The following GMDS variants were observed in gnomAD, a reference collection of about 807,000 sequenced individuals.
The protein encoded by GMDS is GDP-mannose 4,6-dehydratase.
GMDS carries 20 observed loss-of-function variants against 49.9 expected under a neutral mutation model. That is an observed-to-expected ratio of 0.40 (90% CI 0.28 to 0.58). The LOEUF (loss-of-function observed/expected upper bound fraction) is 0.58, where lower values mean the gene tolerates loss of function less well. Ranked by LOEUF, GMDS falls within the 20% of genes least tolerant of loss-of-function variation. The pLI is 0.42. For synonymous variants in GMDS, 177 were observed against 178.6 expected (o/e 0.99, Z 0.07); for missense variants, 362 against 481.4 (o/e 0.75, Z 2.32).
At chr6:1,850,477 G>C (rs906314166) in intron 7 of GMDS, among the ~76,000 whole-genome samples, 8 of 152,156 alleles carry the variant, frequency 5.3e-5, no homozygotes, top group Non-Finnish European at 8.8e-5. Flanking sequence ...CAGTGTATTT[G>C]ATGAGCCTTA....
intron 4 of GMDS, among the ~76,000 whole-genome samples, chr6:1,988,264 T>C (rs922621938): frequency 3.3e-5 from 5 of 152,076 alleles, no homozygotes; most frequent in African/African-American, 1.2e-4. Context: ...TAATTCAGAG[T>C]ATATTTTCTC....
chr6:1,927,722 C>T (rs910104923), intron 7 of GMDS, among the ~76,000 whole-genome samples: 13 of 152,314 alleles, frequency 8.5e-5, no homozygotes, highest in Admixed American at 2.6e-4. Flanking sequence ...ATGACAGCAG[C>T]GTCCTTCTTT....
intron 1 of GMDS, among the ~76,000 whole-genome samples, chr6:2,125,262 A>T (rs1211795549): frequency 6.7e-6 from 1 of 149,512 alleles, no homozygotes; most frequent in African/African-American, 2.6e-5. Context: ...ACACAGTGAG[A>T]CCTTAGCACT....
At chr6:1,765,657 G>A (rs935501713) in intron 7 of GMDS, among the ~76,000 whole-genome samples, 3 of 152,128 alleles carry the variant, frequency 2.0e-5, no homozygotes, top group Non-Finnish European at 4.4e-5. Context: ...GGAACAGAAG[G>A]CAAATTTCCT....
At chr6:1,861,354 C>A (rs1416811615) in intron 7 of GMDS, among the ~76,000 whole-genome samples, 1 of 152,158 alleles carries the variant, frequency 6.6e-6, no homozygotes, top group African/African-American at 2.4e-5. Context: ...AATGAACAAA[C>A]AGGACTGAGA....
intron 4 of GMDS, among the ~76,000 whole-genome samples, chr6:2,088,299 T>C (rs138128669): frequency 6.6e-6 from 1 of 152,260 alleles, no homozygotes; most frequent in African/African-American, 2.4e-5. Context: ...ATGATCTAAG[T>C]GATTCGTTTG....
chr6:1,862,277 A>G (rs1317114466), intron 7 of GMDS, among the ~76,000 whole-genome samples: 1 of 152,244 alleles, frequency 6.6e-6, no homozygotes, highest in Non-Finnish European at 1.5e-5. Flanking sequence ...TGAAATAGAA[A>G]TAAAAATTAT....
At chr6:1,912,372 A>T (rs994426146) in intron 7 of GMDS, among the ~76,000 whole-genome samples, 60 of 150,462 alleles carry the variant, frequency 4.0e-4, no homozygotes, top group Non-Finnish European at 5.2e-4. Flanking sequence ...TCTAAAAAAA[A>T]TTTTTTAAAA....
At chr6:1,882,954 C>A (rs1215930265) in intron 7 of GMDS, among the ~76,000 whole-genome samples, 2 of 152,166 alleles carry the variant, frequency 1.3e-5, no homozygotes, top group African/African-American at 4.8e-5. Flanking sequence ...TGTATGTAAT[C>A]TAGCTTGGTT....
At chr6:1,650,071 G>A (rs1763605795) in intron 9 of GMDS, among the ~76,000 whole-genome samples, 1 of 152,216 alleles carries the variant, frequency 6.6e-6, no homozygotes, top group Non-Finnish European at 1.5e-5. Context: ...TTCTTCAGCT[G>A]TAAAGTGGCA....
At chr6:1,645,496 T>A (rs1311226987) in intron 9 of GMDS, among the ~76,000 whole-genome samples, 7 of 152,228 alleles carry the variant, frequency 4.6e-5, no homozygotes, top group African/African-American at 1.7e-4. Flanking sequence ...ACGCTCACCC[T>A]GTCCTCCTGG....
intron 7 of GMDS, among the ~76,000 whole-genome samples, chr6:1,824,249 C>T (rs1157674): frequency 0.42 from 63,141 of 151,798 alleles, 13,293 homozygotes; most frequent in Admixed American, 0.53. Flanking sequence ...ATTCCAGGGG[C>T]TGCAATTCTT....
At chr6:1,694,483 C>T (rs1055026857) in intron 9 of GMDS, among the ~76,000 whole-genome samples, 3 of 152,188 alleles carry the variant, frequency 2.0e-5, no homozygotes, top group Admixed American at 2.0e-4. Context: ...TCTAAGGTCA[C>T]ACTGCAGTAA....
intron 4 of GMDS, among the ~76,000 whole-genome samples, chr6:2,035,202 A>AG (rs750156694): frequency 5.5e-4 from 84 of 152,176 alleles, no homozygotes; most frequent in Non-Finnish European, 8.8e-5. Flanking sequence ...CACCATGTGG[A>AG]GGGAAGGCTT....
intron 1 of GMDS, among the ~76,000 whole-genome samples, chr6:2,162,660 A>ACACG (rs1777460563): frequency 2.5e-4 from 2 of 7,886 alleles, no homozygotes; most frequent in Admixed American, 2.1e-3. Flanking sequence ...TAACATTCCA[A>ACACG]CACACACACA....
At chr6:2,222,185 C>A (rs1780622541) in intron 1 of GMDS, among the ~76,000 whole-genome samples, 1 of 152,122 alleles carries the variant, frequency 6.6e-6, no homozygotes, top group African/African-American at 2.4e-5. Flanking sequence ...ATCATTAGAC[C>A]AGCACTCACT....
rs188536476 is a variant in GMDS, at chr6:1,677,307, G to T, written c.987+49109C>A. On this transcript the variant is annotated intron_variant, in intron 9 of 10. Coordinates refer to ENST00000380815, the MANE Select transcript of GMDS (RefSeq NM_001500.4). ...AGGTCTGGAGAGGATGTGCTGGAGA[G>T]GATGTGGAGAAATAGGATGTGGAGA... Among the ~76,000 whole-genome samples, 10 of 152,266 alleles carry T rather than the reference G, an allele frequency of 6.6e-5. No homozygotes were observed. The South Asian group carries it at 2.1e-3, about 32-fold the overall frequency.
At chr6:1,962,969 C>G (rs940509249) in intron 4 of GMDS, among the ~76,000 whole-genome samples, 1 of 150,952 alleles carries the variant, frequency 6.6e-6, no homozygotes, top group Non-Finnish European at 1.5e-5. Context: ...CTCTGCCTCC[C>G]GGGTTCAAGT....
intron 2 of GMDS, among the ~76,000 whole-genome samples, chr6:2,120,888 C>G (rs1434123701): frequency 6.6e-6 from 1 of 152,228 alleles, no homozygotes; most frequent in East Asian, 1.9e-4. Context: ...TATTAAAGAT[C>G]TGTGTCCACT....
Sources: allele counts gnomAD v4.1 joint callset (sites outside exome capture counted in the v4.1 genomes callset), GRCh38; gene constraint gnomAD v4.1.1; transcripts MANE v1.5; gene names NCBI Gene and HGNC (gene_info 2026-07-23, HGNC 2026-07-21).